TXNRD1: variants seen among roughly 807,000 people sequenced by gnomAD.
TXNRD1 encodes the protein thioredoxin reductase 1.
In TXNRD1, 57 loss-of-function variants were observed where a neutral mutation model predicts 80.3. The ratio of observed to expected loss-of-function variants is 0.71; its 90% CI spans 0.57 to 0.89. The LOEUF (loss-of-function observed/expected upper bound fraction) is 0.89, where lower values mean the gene tolerates loss of function less well. TXNRD1 is among the 40% of genes least tolerant of loss of function. TXNRD1 has a pLI of 0.00. For synonymous variants in TXNRD1, 291 were observed against 285.2 expected (o/e 1.02, Z -0.20); for missense variants, 730 against 803.0 (o/e 0.91, Z 1.10).
chr12:104,317,851 T>G (rs940573891), intron 7 of TXNRD1, among the ~76,000 whole-genome samples: 2 of 152,086 alleles, frequency 1.3e-5, no homozygotes, highest in Non-Finnish European at 2.9e-5. Context: ...AAAGAAGAGA[T>G]TATTGAGGCT....
chr12:104,237,607 T>G (rs2032766579), intron 1 of TXNRD1, among the ~76,000 whole-genome samples: 1 of 152,304 alleles, frequency 6.6e-6, no homozygotes, highest in African/African-American at 2.4e-5. Flanking sequence ...GTAATACAAT[T>G]AAGAAACTGG....
intron 14 of TXNRD1, 64 bp from the exon 15 acceptor site, chr12:104,334,171 CAT>C (rs1006619393): frequency 2.4e-5 from 16 of 676,904 alleles, no homozygotes; most frequent in Non-Finnish European, 3.5e-5. Flanking sequence ...TGTCTTTCAC[CAT>C]ATATGTTTGA....
At chr12:104,265,250 TAAAA>T in intron 3 of TXNRD1, 8 of 1,236,428 alleles carry the variant, frequency 6.5e-6, no homozygotes, top group Non-Finnish European at 8.8e-6. Flanking sequence ...GACTCCGTCT[TAAAA>T]AAAAAAAAAA....
rs1024798282 is a variant in TXNRD1 at position 104,320,920 on chromosome 12, G to C, written c.990-171G>C. Among the ~76,000 whole-genome samples, 10 of 152,168 alleles carry C rather than the reference G, an allele frequency of 6.6e-5. 1 individual carries two copies. The highest frequency in any genetic ancestry group is 2.4e-4 in the African/African-American group (10 of 41,516). ...CCAAAGCAACTGAGTGGCAAGAAAG[G>C]GTATCTAAGAATTATAAAAACTTCT... On this transcript the variant is annotated intron_variant, in intron 9 of 16. Coordinates refer to ENST00000525566, the MANE Select transcript of TXNRD1 (RefSeq NM_001093771.3).
At chr12:104,216,002 T>C in intron 1 of TXNRD1, 109 bp downstream of exon 1, 1 of 929,656 alleles carries the variant, frequency 1.1e-6, no homozygotes, top group Non-Finnish European at 1.6e-6. Flanking sequence ...AGCCCCTCAC[T>C]GGAGTCAGTG....
chr12:104,254,947 C>G (rs1202588718), intron 2 of TXNRD1, among the ~76,000 whole-genome samples: 1 of 151,428 alleles, frequency 6.6e-6, no homozygotes, highest in Admixed American at 6.6e-5. Flanking sequence ...TCTTCTAAAA[C>G]TACAAAAATT....
chr12:104,264,459 AT>A (rs1265352604), intron 3 of TXNRD1, among the ~76,000 whole-genome samples: 10 of 152,206 alleles, frequency 6.6e-5, no homozygotes, highest in Non-Finnish European at 1.3e-4. Flanking sequence ...TGTTCTATTT[AT>A]TTTATGAATG....
intron 16 of TXNRD1, among the ~76,000 whole-genome samples, chr12:104,347,899 T>TA (rs35620383): frequency 0.034 from 5,232 of 152,072 alleles, 124 homozygotes; most frequent in Non-Finnish European, 0.054. Context: ...TAAAGCTTCT[T>TA]AAAAAAACAA....
chr12:104,265,667 G>A lies in TXNRD1; in HGVS notation c.304+7588G>A, dbSNP rs1474846948. 4.3e-5 allele frequency: 69 copies of A among 1,605,558 alleles called. No homozygotes were observed. The East Asian group carries it at 9.1e-4, about 21-fold the overall frequency. ...GACATGGGTGCCCGGCACCGCGCCCGAGCCCACTCCATTCAGATCATGAAG... is the reference window on the plus strand; with the variant it reads ...GACATGGGTGCCCGGCACCGCGCCCAAGCCCACTCCATTCAGATCATGAAG... On this transcript the variant is annotated intron_variant, in intron 3 of 16. Coordinates refer to ENST00000525566, the MANE Select transcript of TXNRD1 (RefSeq NM_001093771.3).
Position 104,325,443 on chromosome 12 carries a change from C to A in TXNRD1, c.1308+14C>A, listed in dbSNP as rs368266683. 4 of 1,574,512 alleles carry A rather than the reference C, an allele frequency of 2.5e-6. No individual in the cohort carries two copies. In the African/African-American group the frequency reaches 4.0e-5, roughly 16 times the overall value. On this transcript the variant is annotated intron_variant, in intron 11 of 16. Transcript: ENST00000525566. ...GAATATAATACGGTAAGGAATGGGC[C>A]CAGGTTAATACTTTATCAGAAAGCA...
chr12:104,326,133 G>A (rs934088182), intron 11 of TXNRD1, among the ~76,000 whole-genome samples: 9 of 151,994 alleles, frequency 5.9e-5, no homozygotes, highest in African/African-American at 1.9e-4. Context: ...AATCAGAAGT[G>A]GAAAATAATT....
chr12:104,334,126 A>G (rs775167645), intron 14 of TXNRD1, 111 bp from the exon 15 acceptor site: 82 of 442,020 alleles, frequency 1.9e-4, no homozygotes, highest in Non-Finnish European at 3.0e-4. Flanking sequence ...GAATTTTATT[A>G]TTTAATGAAA....
At chr12:104,274,776 T>C (rs1377071764) in intron 3 of TXNRD1, among the ~76,000 whole-genome samples, 2 of 152,130 alleles carry the variant, frequency 1.3e-5, no homozygotes, top group South Asian at 2.1e-4. Context: ...TTCTAATAGC[T>C]GTTTACCACT....
At chr12:104,272,520 C>T (rs1215299540) in intron 3 of TXNRD1, among the ~76,000 whole-genome samples, 2 of 152,112 alleles carry the variant, frequency 1.3e-5, no homozygotes, top group Non-Finnish European at 2.9e-5. Context: ...AAAGTCCCGG[C>T]GCTGTGGCTC....
chr12:104,301,842 C>G (rs1051611798), intron 4 of TXNRD1, among the ~76,000 whole-genome samples: 1 of 152,192 alleles, frequency 6.6e-6, no homozygotes, highest in African/African-American at 2.4e-5. Flanking sequence ...ACCTTTCTTT[C>G]ATTTTTCCTT....
At chr12:104,346,952 G>A (rs535055748) in intron 16 of TXNRD1, among the ~76,000 whole-genome samples, 32 of 152,136 alleles carry the variant, frequency 2.1e-4, no homozygotes, top group African/African-American at 5.8e-4. Flanking sequence ...AAAATTATCC[G>A]AGCATGGTGG....
intron 3 of TXNRD1, among the ~76,000 whole-genome samples, chr12:104,281,049 C>T (rs2033865673): frequency 6.6e-6 from 1 of 152,204 alleles, no homozygotes; most frequent in Non-Finnish European, 1.5e-5. Flanking sequence ...ACTGCTTAGT[C>T]AACCTCTCCA....
intron 4 of TXNRD1, among the ~76,000 whole-genome samples, chr12:104,307,920 A>G (rs2034986251): frequency 6.6e-6 from 1 of 152,152 alleles, no homozygotes; most frequent in Non-Finnish European, 1.5e-5. Context: ...TTGGTTCTCA[A>G]AGTGTATGAG....
intron 13 of TXNRD1, among the ~76,000 whole-genome samples, chr12:104,329,648 C>CAA (rs879800615): frequency 7.0e-6 from 1 of 143,050 alleles, no homozygotes; most frequent in East Asian, 2.0e-4. Flanking sequence ...ACCCTGTCTC[C>CAA]AAAAAAAAAA....
Sources: gnomAD v4.1 joint callset for allele counts (sites outside exome capture counted in the v4.1 genomes callset) on GRCh38, gnomAD v4.1.1 for gene constraint, MANE v1.5 for transcripts, NCBI Gene and HGNC (gene_info 2026-07-23, HGNC 2026-07-21) for gene names.